UBXN7: variants seen among roughly 807,000 people sequenced by gnomAD.
The protein encoded by UBXN7 is UBX domain-containing protein 7.
A neutral mutation model predicts 58.0 loss-of-function variants in UBXN7; 9 were observed. That is an observed-to-expected ratio of 0.16 (90% confidence interval 0.09 to 0.27). The LOEUF (loss-of-function observed/expected upper bound fraction) is 0.27, where lower values mean the gene tolerates loss of function less well. UBXN7 is among the 10% of genes least tolerant of loss of function. The pLI is 1.00. For synonymous variants in UBXN7, 208 were observed against 205.0 expected, an observed-to-expected ratio of 1.01 and a Z score of -0.12; for missense variants, 328 against 599.6, an observed-to-expected ratio of 0.55 and a Z score of 4.73.
At chr3:196,375,889 C>T (rs905542905) in intron 5 of UBXN7, among the ~76,000 whole-genome samples, 5 of 152,170 alleles carry the variant, frequency 3.3e-5, no homozygotes, top group African/African-American at 9.7e-5. Flanking sequence ...ATTAGACGAG[C>T]GTGGTGGCGC....
At chr3:196,357,582 G>A (rs1042476329) in intron 10 of UBXN7, among the ~76,000 whole-genome samples, 8 of 152,092 alleles carry the variant, frequency 5.3e-5, no homozygotes, top group African/African-American at 1.9e-4. Flanking sequence ...AGACCAGCTG[G>A]GGCAACATGG....
intron 8 of UBXN7, among the ~76,000 whole-genome samples, chr3:196,363,062 G>A (rs775246415): frequency 1.1e-4 from 16 of 151,504 alleles, no homozygotes; most frequent in Non-Finnish European, 1.6e-4. Context: ...CCGCCACCAC[G>A]CCCAGCTAAT....
rs2108851255 is a variant in UBXN7, at chr3:196,401,265, AAAAAAAAAAAT to A, written c.289+1676_289+1686del. On this transcript the variant is annotated intron_variant, in intron 3 of 10. Coordinates refer to ENST00000296328, the MANE Select transcript of UBXN7 (RefSeq NM_015562.2). ...CGTCTCTCCAAAAAAAAAAAAAAAA[AAAAAAAAAAAT>A]ATATATATATATATATATATATACA... 3.3e-5 allele frequency among the ~76,000 whole-genome samples: 3 copies of A among 89,866 alleles called. No homozygotes were observed. In the South Asian group the frequency reaches 1.0e-3, roughly 31 times the overall value. The allele number at this position is 89,866 out of a possible 152,430, so 59.0% of individuals were successfully genotyped here.
At position 196,355,108 on chromosome 3, in the gene UBXN7, A is replaced by G. The variant is rs1728310025; in HGVS notation, c.*1577T>C. The stretch of plus-strand genomic sequence containing the variant: ...TTTCCCAAATCCCCTAATTGCCAAG[A>G]GAGCAATCTTAAAGTAGATGAAAAC... On this transcript the variant is annotated 3_prime_UTR_variant, in exon 11 of 11. Coordinates refer to ENST00000296328, the MANE Select transcript of UBXN7 (RefSeq NM_015562.2). The G allele has an allele frequency of 6.6e-6, 1 of 152,140 alleles. No homozygotes were observed. The highest frequency in any genetic ancestry group is 2.1e-4 in the South Asian group (1 of 4,826). The allele number at this position is 152,140 out of a possible 1,614,324, so 9.4% of individuals were successfully genotyped here.
chr3:196,414,875 T>C (rs1348228207), intron 1 of UBXN7, among the ~76,000 whole-genome samples: 1 of 152,146 alleles, frequency 6.6e-6, no homozygotes, highest in East Asian at 1.9e-4. Context: ...ATATACAAAT[T>C]TAACATTCTA....
At chr3:196,364,186 T>A (rs1728590428) in intron 8 of UBXN7, among the ~76,000 whole-genome samples, 1 of 152,142 alleles carries the variant, frequency 6.6e-6, no homozygotes, top group Admixed American at 6.5e-5. Flanking sequence ...ATGCCACAGA[T>A]TTTACTAAAC....
intron 3 of UBXN7, among the ~76,000 whole-genome samples, chr3:196,402,091 G>A (rs1040483440): frequency 2.2e-4 from 34 of 152,130 alleles, no homozygotes; most frequent in South Asian, 4.2e-4. Context: ...GCAGTATCTC[G>A]GCTCACTGCA....
intron 5 of UBXN7, among the ~76,000 whole-genome samples, chr3:196,372,365 A>T (rs1397118532): frequency 1.6e-5 from 2 of 127,836 alleles, no homozygotes; most frequent in African/African-American, 2.9e-5. Context: ...TTTTTGAGAC[A>T]GAGTCTAACT....
intron 2 of UBXN7, among the ~76,000 whole-genome samples, chr3:196,404,558 G>A (rs909353075): frequency 2.0e-5 from 3 of 151,968 alleles, no homozygotes; most frequent in South Asian, 2.1e-4. Context: ...CACCGCGCCC[G>A]GCCAATGGTT....
At chr3:196,387,524 T>G (rs1027299856) in intron 5 of UBXN7, among the ~76,000 whole-genome samples, 2 of 152,072 alleles carry the variant, frequency 1.3e-5, no homozygotes, top group African/African-American at 4.8e-5. Flanking sequence ...GGAAAAAATT[T>G]TTGCAATCTA....
In UBXN7 at chr3:196,357,469, T is replaced by A. The variant is rs183584266; in HGVS notation, c.1309-623A>T. Reference sequence around the variant, plus strand: ...AGCTAGTCAGACTCAAGATTCTGTTTCCAGCAGTTAAAAACAGAGGGTGTC... The same window carrying A: ...AGCTAGTCAGACTCAAGATTCTGTTACCAGCAGTTAAAAACAGAGGGTGTC... On this transcript the variant is annotated intron_variant, in intron 10 of 10. Coordinates refer to ENST00000296328, the MANE Select transcript of UBXN7 (RefSeq NM_015562.2). Among the ~76,000 whole-genome samples the A allele has an allele frequency of 1.9e-3, 293 of 152,344 alleles. 3 individuals carry two copies. The highest frequency in any genetic ancestry group is 3.2e-3 in the Non-Finnish European group (220 of 68,036).
intron 8 of UBXN7, among the ~76,000 whole-genome samples, chr3:196,367,632 C>A (rs771086605): frequency 3.9e-5 from 6 of 152,108 alleles, no homozygotes; most frequent in Non-Finnish European, 7.4e-5. Context: ...ACAAAAAAAC[C>A]AACCACTTTC....
intron 1 of UBXN7, among the ~76,000 whole-genome samples, chr3:196,410,663 A>C (rs2108618189): frequency 6.6e-6 from 1 of 152,060 alleles, no homozygotes; most frequent in Non-Finnish European, 1.5e-5. Flanking sequence ...CTCTACTAAA[A>C]ATACAAAAAT....
At chr3:196,362,018 C>G in intron 9 of UBXN7, 95 bp from the exon 10 acceptor site, 1 of 1,239,918 alleles carries the variant, frequency 8.1e-7, no homozygotes, top group Non-Finnish European at 1.1e-6. Context: ...TACAGCCATT[C>G]AGCAATTACT....
intron 1 of UBXN7, among the ~76,000 whole-genome samples, chr3:196,428,526 C>T (rs1278151680): frequency 6.6e-6 from 1 of 151,074 alleles, no homozygotes; most frequent in African/African-American, 2.4e-5. Context: ...AGCATATAAA[C>T]AAGAAGTGGA....
At chr3:196,372,585 G>A (rs1675470588) in intron 5 of UBXN7, among the ~76,000 whole-genome samples, 1 of 150,758 alleles carries the variant, frequency 6.6e-6, no homozygotes, top group African/African-American at 2.4e-5. Context: ...CAAATGACCC[G>A]TCCACCTTGG....
chr3:196,420,270 T>C (rs1004237163), intron 1 of UBXN7, among the ~76,000 whole-genome samples: 8 of 152,076 alleles, frequency 5.3e-5, no homozygotes, highest in Admixed American at 2.0e-4. Context: ...CAGTGTCTCA[T>C]ATCTGTAATC....
At chr3:196,427,399 C>A (rs934303391) in intron 1 of UBXN7, among the ~76,000 whole-genome samples, 1 of 152,164 alleles carries the variant, frequency 6.6e-6, no homozygotes, top group Non-Finnish European at 1.5e-5. Context: ...CTCACTGCAA[C>A]CTCCGTCTCC....
At chr3:196,418,614 A>G (rs1730577498) in intron 1 of UBXN7, among the ~76,000 whole-genome samples, 2 of 152,216 alleles carry the variant, frequency 1.3e-5, no homozygotes, top group Admixed American at 1.3e-4. Flanking sequence ...GACATCTATA[A>G]CAGCACTCCA....
Sources: allele counts gnomAD v4.1 joint callset (sites outside exome capture counted in the v4.1 genomes callset), GRCh38; gene constraint gnomAD v4.1.1; transcripts MANE v1.5; gene names NCBI Gene and HGNC (gene_info 2026-07-23, HGNC 2026-07-21).